SLIT3: variants seen among roughly 807,000 people sequenced by gnomAD.
SLIT3 encodes the protein slit guidance ligand 3, also known as slit homolog 3 protein.
A neutral mutation model predicts 184.0 loss-of-function variants in SLIT3; 68 were observed. That is an observed-to-expected ratio of 0.37 (90% CI 0.30 to 0.45). The LOEUF (loss-of-function observed/expected upper bound fraction) is 0.45. SLIT3 is among the 20% of genes least tolerant of loss of function. The pLI, the probability that SLIT3 is intolerant of heterozygous loss-of-function variation, is 1.00. For missense variants in SLIT3, 1,707 were observed against 2,026.0 expected, an observed-to-expected ratio of 0.84 and a Z score of 3.02; for synonymous variants, 831 against 828.6, an observed-to-expected ratio of 1.00 and a Z score of -0.05.
intron 4 of SLIT3, among the ~76,000 whole-genome samples, chr5:169,021,717 A>G (rs947867890): frequency 1.3e-5 from 2 of 152,304 alleles, no homozygotes; most frequent in South Asian, 2.1e-4. Context: ...ACTCCCTTGT[A>G]TCTAGGCAGA....
chr5:168,671,524 C>A (rs1342933697), intron 33 of SLIT3, 41 bp from the exon 34 acceptor site: 2 of 1,573,572 alleles, frequency 1.3e-6, no homozygotes, highest in Non-Finnish European at 8.6e-7. Context: ...AAGACCCTCC[C>A]CTGCCACCCT....
chr5:168,808,207 T>C (rs1213757246), intron 8 of SLIT3, among the ~76,000 whole-genome samples: 1 of 152,128 alleles, frequency 6.6e-6, no homozygotes, highest in Non-Finnish European at 1.5e-5. Flanking sequence ...AATTCCCAGC[T>C]GGAACATTCT....
chr5:168,788,314 T>C (rs1192597968), intron 11 of SLIT3, among the ~76,000 whole-genome samples: 1 of 152,198 alleles, frequency 6.6e-6, no homozygotes, highest in Non-Finnish European at 1.5e-5. Context: ...TAATTTACTC[T>C]GCAAGCAGCA....
chr5:168,817,956 G>A (rs1757391438), intron 7 of SLIT3, among the ~76,000 whole-genome samples: 2 of 147,192 alleles, frequency 1.4e-5, no homozygotes, highest in Admixed American at 1.3e-4. Context: ...CCCCCGCTAA[G>A]TGTCCTTTAA....
At chr5:168,865,383 T>C (rs1279054172) in intron 5 of SLIT3, among the ~76,000 whole-genome samples, 1 of 152,160 alleles carries the variant, frequency 6.6e-6, no homozygotes, top group Non-Finnish European at 1.5e-5. Context: ...AGTATACCCA[T>C]ACTCTGGAAT....
intron 5 of SLIT3, among the ~76,000 whole-genome samples, chr5:168,850,422 A>G (rs1758627599): frequency 6.6e-6 from 1 of 152,204 alleles, no homozygotes. Context: ...TCTTATGCCT[A>G]TTTTTCCTAC....
At position 169,240,579 on chromosome 5, in the gene SLIT3, CT is replaced by C. The variant is rs67955225; in HGVS notation, c.341+4125del. On this transcript the variant is annotated intron_variant, in intron 3 of 35. Coordinates refer to ENST00000519560, the MANE Select transcript of SLIT3 (RefSeq NM_003062.4). ...GTTAGTGTTTTCATGCTATCATTTT[CT>C]TTTTTTTTTTTTTTTTTTTACTTTC... 2.9e-3 allele frequency among the ~76,000 whole-genome samples: 336 copies of C among 114,330 alleles called. 2 individuals carry two copies. Among genetic ancestry groups the C allele is most frequent in the Middle Eastern group, 8.8e-3 (1 of 114 alleles). The allele number at this position is 114,330 out of a possible 152,430, so 75.0% of individuals were successfully genotyped here.
At chr5:169,027,249 T>G (rs1270768430) in intron 4 of SLIT3, among the ~76,000 whole-genome samples, 1 of 152,208 alleles carries the variant, frequency 6.6e-6, no homozygotes, top group East Asian at 1.9e-4. Flanking sequence ...CCCACCTTTC[T>G]GATTATTTTA....
intron 4 of SLIT3, among the ~76,000 whole-genome samples, chr5:169,039,817 C>T (rs920698111): frequency 1.3e-4 from 20 of 152,236 alleles, no homozygotes; most frequent in East Asian, 7.8e-4. Context: ...CTTATTAAAA[C>T]GAATTCAAAC....
chr5:169,064,832 C>G (rs1758292399), intron 4 of SLIT3, among the ~76,000 whole-genome samples: 1 of 152,154 alleles, frequency 6.6e-6, no homozygotes, highest in East Asian at 1.9e-4. Flanking sequence ...GAACGTTACA[C>G]CTATGAGGGA....
chr5:168,971,749 A>G (rs540596976), intron 4 of SLIT3, among the ~76,000 whole-genome samples: 68 of 152,330 alleles, frequency 4.5e-4, no homozygotes, highest in African/African-American at 1.6e-3. Flanking sequence ...CCTCTGCTCC[A>G]TAGAAATGTC....
chr5:168,792,937 A>C (rs142846796), intron 10 of SLIT3, among the ~76,000 whole-genome samples: 2 of 152,210 alleles, frequency 1.3e-5, no homozygotes, highest in African/African-American at 2.4e-5. Flanking sequence ...TCATGCACAA[A>C]ATTATTAAAA....
At chr5:168,819,936 G>A (rs1425687083) in intron 7 of SLIT3, among the ~76,000 whole-genome samples, 1 of 152,226 alleles carries the variant, frequency 6.6e-6, no homozygotes, top group Non-Finnish European at 1.5e-5. Context: ...GCCCAGGGCA[G>A]TGGAGTCCAG....
rs1759101097 is a variant in SLIT3 at position 169,082,331 on chromosome 5, C to T, written c.413+111148G>A. Reference sequence around the variant, plus strand: ...TGCTTTGATTGTGTTTTTTAACCTACAGAGTTTCCTGTTTAAGTTGCTGGC... The same window carrying T: ...TGCTTTGATTGTGTTTTTTAACCTATAGAGTTTCCTGTTTAAGTTGCTGGC... On this transcript the variant is annotated intron_variant, in intron 4 of 35. Transcript: ENST00000519560. Among the ~76,000 whole-genome samples the T allele has an allele frequency of 1.3e-5, 2 of 152,188 alleles. 1 individual carries two copies. The highest frequency in any genetic ancestry group is 4.1e-4 in the South Asian group (2 of 4,832).
chr5:168,777,540 G>A (rs1347821992), intron 12 of SLIT3, among the ~76,000 whole-genome samples: 1 of 152,088 alleles, frequency 6.6e-6, no homozygotes, highest in East Asian at 1.9e-4. Flanking sequence ...ATTGCTCCTA[G>A]ATCTCTCAGC....
intron 23 of SLIT3, chr5:168,719,825 G>A (rs1365057115): frequency 6.6e-6 from 1 of 152,160 alleles, no homozygotes; most frequent in Non-Finnish European, 1.5e-5. Flanking sequence ...CCCCACTGAG[G>A]TAGATGGTTG....
chr5:168,974,400 C>T (rs1754682095), intron 4 of SLIT3, among the ~76,000 whole-genome samples: 1 of 152,278 alleles, frequency 6.6e-6, no homozygotes, highest in African/African-American at 2.4e-5. Flanking sequence ...GGCCAGATCC[C>T]AAAAGAAAAC....
At chr5:168,934,938 G>A (rs1352884887) in intron 4 of SLIT3, among the ~76,000 whole-genome samples, 1 of 149,858 alleles carries the variant, frequency 6.7e-6, no homozygotes, top group African/African-American at 2.5e-5. Context: ...GACCAGCCTG[G>A]CCAACACGGT....
At chr5:169,028,541 C>T (rs1342804353) in intron 4 of SLIT3, among the ~76,000 whole-genome samples, 1 of 152,244 alleles carries the variant, frequency 6.6e-6, no homozygotes, top group Non-Finnish European at 1.5e-5. Context: ...GTGCCTGGCA[C>T]ATAGTTGGCA....
Sources: allele counts gnomAD v4.1 joint callset (sites outside exome capture counted in the v4.1 genomes callset), GRCh38; gene constraint gnomAD v4.1.1; transcripts MANE v1.5; gene names NCBI Gene and HGNC (gene_info 2026-07-23, HGNC 2026-07-21).